Variants in LRRFIP1 observed in about 807,000 individuals in gnomAD.
LRRFIP1 encodes the protein LRR binding FLII interacting protein 1.
In LRRFIP1, 62 loss-of-function variants were observed where a neutral mutation model predicts 104.4. The observed-to-expected ratio is 0.59, with a 90% confidence interval of 0.48 to 0.73. LRRFIP1 has a LOEUF of 0.73. LRRFIP1 is among the 30% of genes least tolerant of loss of function. The pLI is 0.00. For missense variants in LRRFIP1, 796 were observed against 824.5 expected (o/e 0.97, Z 0.42); for synonymous variants, 300 against 299.0 (o/e 1.00, Z -0.03).
Position 237,649,567 on chromosome 2 carries a change from G to T in LRRFIP1, c.96+21827G>T, listed in dbSNP as rs947877737. Among the ~76,000 whole-genome samples the T allele has an allele frequency of 2.6e-5, 4 of 151,980 alleles. No homozygotes were observed. Among genetic ancestry groups the T allele is most frequent in the African/African-American group, 9.7e-5 (4 of 41,420 alleles). On this transcript the variant is annotated intron_variant, in intron 1 of 23. Transcript: ENST00000308482. The surrounding 1 kb of genome is among the most constrained non-coding windows in gnomAD (Gnocchi z 4.1). ...ACACTGTGGTGTGAGAGGCAATTGT[G>T]GGTCAGCCTGAGGGCACACCCAATA...
In LRRFIP1 at chr2:237,774,410, C is replaced by G. The variant is rs756099012; in HGVS notation, c.1760C>G (p.Ala587Gly). Residue 587 changes from alanine to glycine, a missense_variant, in exon 23 of 24, where the codon GCA becomes GGA. Physicochemically the swap from Ala to Gly is moderately conservative, Grantham distance 60. Transcript: ENST00000308482. ...VSRYKSAAEN[A>G]EKIEDELKAE... ...CGTTACAAATCAGCGGCTGAAAATG[C>G]AGAAAAAATAGAAGATGAACTTAAG... The G allele has an allele frequency of 1.9e-6, 3 of 1,613,642 alleles. No individual in the cohort carries two copies. The highest frequency in any genetic ancestry group is 2.5e-6 in the Non-Finnish European group (3 of 1,179,738).
intron 1 of LRRFIP1, among the ~76,000 whole-genome samples, chr2:237,656,131 C>T (rs989333283): frequency 3.9e-5 from 6 of 152,090 alleles, no homozygotes; most frequent in African/African-American, 1.2e-4. Flanking sequence ...TATATAGATA[C>T]ATCTATCTAT....
At chr2:237,748,164 A>G (rs993418067) in intron 11 of LRRFIP1, among the ~76,000 whole-genome samples, 200 bp from the exon 12 acceptor site, 2 of 152,230 alleles carry the variant, frequency 1.3e-5, no homozygotes, top group African/African-American at 2.4e-5. Flanking sequence ...CCAAATGAGG[A>G]CAAGAGAAGA....
At chr2:237,684,713 C>T (rs1299866483) in intron 1 of LRRFIP1, among the ~76,000 whole-genome samples, 1 of 151,918 alleles carries the variant, frequency 6.6e-6, no homozygotes, top group African/African-American at 2.4e-5. Context: ...GCCTGTAAGA[C>T]TGAGAAATAC....
At chr2:237,756,852 C>T (rs2059323142) in intron 16 of LRRFIP1, among the ~76,000 whole-genome samples, 2 of 152,002 alleles carry the variant, frequency 1.3e-5, no homozygotes, top group African/African-American at 4.8e-5. Context: ...TGATGAGAGA[C>T]CTTGAGAGAA....
In LRRFIP1 at chr2:237,639,851, C is replaced by A. The variant is rs187267804; in HGVS notation, c.96+12111C>A. Among the ~76,000 whole-genome samples the A allele has an allele frequency of 1.6e-3, 239 of 152,310 alleles. 1 individual carries two copies. The highest frequency in any genetic ancestry group is 5.5e-3 in the African/African-American group (230 of 41,570). On this transcript the variant is annotated intron_variant, in intron 1 of 23. Transcript: ENST00000308482. ...GTCCTATGCATTATAGGATTTTGAA[C>A]GGCATCCCTGGCTTCTGCCCAGTAG...
chr2:237,765,406 G>A (rs906176066), intron 19 of LRRFIP1: 37 of 808,526 alleles, frequency 4.6e-5, no homozygotes, highest in Non-Finnish European at 5.3e-5. Flanking sequence ...CTGTACTCTA[G>A]CCTGGGAGAC....
At chr2:237,765,376 C>CA in intron 19 of LRRFIP1, 1 of 608,868 alleles carries the variant, frequency 1.6e-6, no homozygotes. Flanking sequence ...TTCAAGGCTG[C>CA]AGTGAGCTAT....
At chr2:237,687,323 G>T (rs1261976571) in intron 1 of LRRFIP1, among the ~76,000 whole-genome samples, 1 of 152,178 alleles carries the variant, frequency 6.6e-6, no homozygotes, top group African/African-American at 2.4e-5. Flanking sequence ...GATCCAAATA[G>T]GCCAGGTGTG....
intron 18 of LRRFIP1, among the ~76,000 whole-genome samples, chr2:237,759,280 G>T (rs1559813207): frequency 6.6e-6 from 1 of 152,062 alleles, no homozygotes; most frequent in Non-Finnish European, 1.5e-5. Flanking sequence ...CCTGTCCTTG[G>T]TGGGCCACGC....
rs77252515 is a variant in LRRFIP1, at chr2:237,721,143, G to A, written c.345+321G>A. Reference sequence around the variant, plus strand: ...CAGCACATTGGTGTTCCACAGGAATGCAAAGGCGCGTCTGCCCTTTAGTAA... The same window carrying A: ...CAGCACATTGGTGTTCCACAGGAATACAAAGGCGCGTCTGCCCTTTAGTAA... On this transcript the variant is annotated intron_variant, in intron 6 of 23. Coordinates refer to ENST00000308482, the MANE Select transcript of LRRFIP1 (RefSeq NM_001137550.2). 7.2e-3 allele frequency: 1,879 copies of A among 262,006 alleles called. 27 individuals are homozygous for A. Among genetic ancestry groups the A allele is most frequent in the African/African-American group, 0.036 (1,690 of 46,466 alleles). The allele number at this position is 262,006 out of a possible 1,614,324, so 16.2% of individuals were successfully genotyped here. A position where few individuals can be genotyped will look rare whatever the true frequency, so the allele number is the denominator to read the frequency against.
At chr2:237,762,829 A>C in intron 19 of LRRFIP1, 1 of 1,614,236 alleles carries the variant, frequency 6.2e-7, no homozygotes, top group East Asian at 2.2e-5. Context: ...AACAGGTTCA[A>C]AGCCAAATTC....
intron 1 of LRRFIP1, among the ~76,000 whole-genome samples, chr2:237,632,182 T>C (rs1372788256): frequency 6.7e-6 from 1 of 149,868 alleles, no homozygotes; most frequent in African/African-American, 2.5e-5. Flanking sequence ...CCCCAAGGAG[T>C]CCAGTTGTGG....
At chr2:237,659,221 G>A (rs2087394470) in intron 1 of LRRFIP1, among the ~76,000 whole-genome samples, 1 of 151,734 alleles carries the variant, frequency 6.6e-6, no homozygotes, top group African/African-American at 2.4e-5. Context: ...AGCCTCCCAA[G>A]TAGCTGGTGC....
intron 23 of LRRFIP1, among the ~76,000 whole-genome samples, chr2:237,778,682 C>T (rs532009136): frequency 4.1e-4 from 63 of 152,206 alleles, no homozygotes; most frequent in Admixed American, 8.5e-4. Context: ...TTTGGGAGGC[C>T]GAGGTGGGTA....
rs72975052 is a variant in LRRFIP1, at chr2:237,661,597, A to G, written c.96+33857A>G. 2.4e-4 allele frequency among the ~76,000 whole-genome samples: 36 copies of G among 152,264 alleles called. No individual in the cohort carries two copies. Among genetic ancestry groups the G allele is most frequent in the Non-Finnish European group, 4.1e-4 (28 of 68,028 alleles). On this transcript the variant is annotated intron_variant, in intron 1 of 23. Coordinates refer to ENST00000308482, the MANE Select transcript of LRRFIP1 (RefSeq NM_001137550.2). This position sits in a 1 kb window ranked among gnomAD's most constrained non-coding sequence, Gnocchi z 4.4. ...CATCTCTGTCCTCATCCATGAAACC[A>G]TCCTTGTCCTCACTGTCGATGGAAT...
At chr2:237,774,274 C>T (rs1194406504) in intron 22 of LRRFIP1, 84 bp from the exon 23 acceptor site, 3 of 782,610 alleles carry the variant, frequency 3.8e-6, no homozygotes, top group Middle Eastern at 7.0e-4. Flanking sequence ...TATTAAATCA[C>T]ACTCTTTGAT....
At chr2:237,655,924 C>CA (rs2086747552) in intron 1 of LRRFIP1, among the ~76,000 whole-genome samples, 4 of 152,214 alleles carry the variant, frequency 2.6e-5, no homozygotes, top group African/African-American at 9.7e-5. Context: ...CATCGCTTTC[C>CA]AGTTTACTCT....
chr2:237,641,984 G>A (rs189786239), intron 1 of LRRFIP1, among the ~76,000 whole-genome samples: 97 of 152,288 alleles, frequency 6.4e-4, no homozygotes, highest in Non-Finnish European at 1.0e-3. Flanking sequence ...CCCATGACTG[G>A]AGACACTTCG....
Sources: allele counts gnomAD v4.1 joint callset (sites outside exome capture counted in the v4.1 genomes callset), GRCh38; gene constraint gnomAD v4.1.1; non-coding constraint Gnocchi (gnomAD v3.1); transcripts MANE v1.5; gene names NCBI Gene and HGNC (gene_info 2026-07-23, HGNC 2026-07-21).